PSMB10: variants seen among roughly 807,000 people sequenced by gnomAD.
PSMB10 encodes proteasome subunit beta type-10.
In PSMB10, 29 loss-of-function variants were observed where a neutral mutation model predicts 29.8. The observed-to-expected ratio is 0.97, with a 90% CI of 0.73 to 1.33. The LOEUF (loss-of-function observed/expected upper bound fraction) is 1.33. PSMB10 is among the 40% of genes most tolerant of loss of function. PSMB10 has a pLI of 0.00. For missense variants in PSMB10, 327 were observed against 369.2 expected (o/e 0.89, Z 0.94); for synonymous variants, 157 against 164.7 (o/e 0.95, Z 0.36).
Position 67,935,719 on chromosome 16 carries a change from C to T in PSMB10, c.384-22G>A, listed in dbSNP as rs758761627. 3.7e-6 allele frequency: 6 copies of T among 1,610,288 alleles called. No individual in the cohort carries two copies. The Admixed American group carries it at 6.7e-5, about 18-fold the overall frequency. On this transcript the variant is annotated intron_variant, in intron 4 of 7. Coordinates refer to ENST00000358514, the MANE Select transcript of PSMB10 (RefSeq NM_002801.4). The stretch of plus-strand genomic sequence containing the variant: ...GTACCTGCTCGAGGATGGGCGGGGT[C>T]GGCCACAAGCTGGGGCCTAGGCCCC...
chr16:67,935,247 T>C, intron 6 of PSMB10, 173 bp downstream of exon 6: 1 of 800,488 alleles, frequency 1.2e-6, no homozygotes, highest in Non-Finnish European at 2.0e-6. Flanking sequence ...GCTTTGGTAT[T>C]GGACGGTGTT....
At position 67,934,998 on chromosome 16, in the gene PSMB10, T is replaced by G; in HGVS notation, c.559-50A>C. On this transcript the variant is annotated intron_variant, in intron 6 of 7. Coordinates refer to ENST00000358514, the MANE Select transcript of PSMB10 (RefSeq NM_002801.4). This position sits in a 1 kb window ranked among gnomAD's most constrained non-coding sequence, Gnocchi z 4.3. ...TAACGGGCTCTCTCTGCTGTTAACT[T>G]AGGCTACAGCCTGGGGACTTGCCTG... 1 of 1,588,736 alleles carries G rather than the reference T, an allele frequency of 6.3e-7. No homozygotes were observed. The highest frequency in any genetic ancestry group is 8.5e-7 in the Non-Finnish European group (1 of 1,172,352).
intron 1 of PSMB10, 57 bp downstream of exon 1, chr16:67,936,637 G>A: frequency 2.7e-6 from 4 of 1,460,054 alleles, no homozygotes; most frequent in East Asian, 2.5e-5. Context: ...CAGGAAAAAA[G>A]GCCACGAGCA....
Position 67,935,023 on chromosome 16 carries a change from G to T in PSMB10, c.559-75C>A, listed in dbSNP as rs550606290. The T allele has an allele frequency of 7.0e-5, 108 of 1,547,896 alleles. No individual in the cohort carries two copies. The South Asian group carries it at 1.2e-3, about 18-fold the overall frequency. On this transcript the variant is annotated intron_variant, in intron 6 of 7. Transcript: ENST00000358514. Reference sequence around the variant, plus strand: ...TAGGCTACAGCCTGGGGACTTGCCTGTCCACTTACCCAATCTGGTCTTGCC... The same window carrying T: ...TAGGCTACAGCCTGGGGACTTGCCTTTCCACTTACCCAATCTGGTCTTGCC...
rs1423240519 is a variant in PSMB10, at chr16:67,936,848, T to G, written c.-99A>C. The G allele has an allele frequency of 2.0e-6, 2 of 998,798 alleles. No individual in the cohort carries two copies. Among genetic ancestry groups the G allele is most frequent in the Non-Finnish European group, 3.0e-6 (2 of 673,612 alleles). The allele number at this position is 998,798 out of a possible 1,614,324, so 61.9% of individuals were successfully genotyped here. Reference sequence around the variant, plus strand: ...AAAAAGTCCTCTGCTAGGCTTCACGTCTGTACTTCCTGCTTTCGCTTTCGC... The same window carrying G: ...AAAAAGTCCTCTGCTAGGCTTCACGGCTGTACTTCCTGCTTTCGCTTTCGC... On this transcript the variant is annotated 5_prime_UTR_variant, in exon 1 of 8. Transcript: ENST00000358514.
chr16:67,934,947 A>G lies in PSMB10; in HGVS notation c.560T>C (p.Leu187Pro). The change falls in exon 7 of 8, where the codon CTG becomes CCG. Residue 187 changes from leucine to proline, a missense_variant and splice_region_variant. Physicochemically the swap from Leu to Pro is moderately conservative, Grantham distance 98. Coordinates refer to ENST00000358514, the MANE Select transcript of PSMB10 (RefSeq NM_002801.4). The surrounding 1 kb of genome is among the most constrained non-coding windows in gnomAD (Gnocchi z 4.3). ...CACCAGCAGCCCCTGAGCAGCCTCC[A>G]GCTGCGGTGATGGGTGTGTGAGACC... ...LEDRFQPNMT[L>P]EAAQGLLVEA... The G allele has an allele frequency of 6.2e-7, 1 of 1,610,534 alleles. No homozygotes were observed. The highest frequency in any genetic ancestry group is 1.3e-5 in the African/African-American group (1 of 75,016).
In PSMB10 at chr16:67,936,112, A is replaced by G; in HGVS notation, c.243-9T>C. ...CTCCAGCCCCACAGCAGCTGAGGCA[A>G]AAGGGAGGATCGGTGTGGGCAGGGC... On this transcript the variant is annotated splice_polypyrimidine_tract_variant and intron_variant, in intron 3 of 7. Transcript: ENST00000358514. The G allele has an allele frequency of 6.2e-7, 1 of 1,608,592 alleles. No homozygotes were observed.
chr16:67,935,277 C>A, intron 6 of PSMB10, 143 bp downstream of exon 6: 1 of 1,005,924 alleles, frequency 9.9e-7, no homozygotes, highest in Admixed American at 2.2e-5. Context: ...CCGCACTTCT[C>A]TGCCCTTACT....
chr16:67,936,766 G>A lies in PSMB10; in HGVS notation c.-17C>T. On this transcript the variant is annotated 5_prime_UTR_variant, in exon 1 of 8. Coordinates refer to ENST00000358514, the MANE Select transcript of PSMB10 (RefSeq NM_002801.4). Reference sequence around the variant, plus strand: ...CTTCAGCATCTTGGGGCAGGCAGAGGGGATTAGGGGTCGCGGGCGGATGAG... The same window carrying A: ...CTTCAGCATCTTGGGGCAGGCAGAGAGGATTAGGGGTCGCGGGCGGATGAG... 2 of 1,551,874 alleles carry A rather than the reference G, an allele frequency of 1.3e-6. No individual in the cohort carries two copies. The highest frequency in any genetic ancestry group is 1.7e-6 in the Non-Finnish European group (2 of 1,147,508).
chr16:67,934,841 G>A lies in PSMB10; in HGVS notation c.666C>T (p.Ala222=). 2 of 1,614,080 alleles carry A rather than the reference G, an allele frequency of 1.2e-6. No individual in the cohort carries two copies. Among genetic ancestry groups the A allele is most frequent in the Non-Finnish European group, 1.7e-6 (2 of 1,180,024 alleles). The part of the protein sequence containing the change: ...VDACVITKTG[A]KLLRTLSSPT... ...GTGAGCTCAGTGTCCGCAGCAGCTT[G>A]GCGCCAGTCTTTGTGATCACACATG... Residue 222 remains alanine (A), a synonymous_variant, in exon 7 of 8, where the codon GCC becomes GCT. Transcript: ENST00000358514. The surrounding 1 kb of genome is among the most constrained non-coding windows in gnomAD (Gnocchi z 4.3).
In PSMB10 at chr16:67,935,693, G is replaced by C; in HGVS notation, c.388C>G (p.Gln130Glu). 6.2e-7 allele frequency: 1 copy of C among 1,613,642 alleles called. No individual in the cohort carries two copies. Among genetic ancestry groups the C allele is most frequent in the South Asian group, 1.1e-5 (1 of 91,064 alleles). Reference sequence around the variant, plus strand: ...ATCAGCGATGCACCCACGTGGCCCTGGTACCTGCTCGAGGATGGGCGGGGT... The same window carrying C: ...ATCAGCGATGCACCCACGTGGCCCTCGTACCTGCTCGAGGATGGGCGGGGT... ...RILRQTLFRY[Q>E]GHVGASLIVG... The change falls in exon 5 of 8, where the codon CAG becomes GAG. Residue 130 changes from glutamine to glutamate, a missense_variant. Coordinates refer to ENST00000358514, the MANE Select transcript of PSMB10 (RefSeq NM_002801.4).
intron 4 of PSMB10, 106 bp from the exon 5 acceptor site, chr16:67,935,803 G>A: frequency 6.8e-7 from 1 of 1,481,464 alleles, no homozygotes; most frequent in Non-Finnish European, 9.2e-7. Context: ...GCTGGCGCCC[G>A]ATGACTGACA....
At chr16:67,935,272 C>T in intron 6 of PSMB10, 148 bp downstream of exon 6, 1 of 963,672 alleles carries the variant, frequency 1.0e-6, no homozygotes, top group Non-Finnish European at 1.5e-6. Context: ...CGGGACCGCA[C>T]TTCTCTGCCC....
Position 67,934,720 on chromosome 16 carries a change from C to T in PSMB10, c.711-49G>A. 1 of 1,611,248 alleles carries T rather than the reference C, an allele frequency of 6.2e-7. No individual in the cohort carries two copies. Among genetic ancestry groups the T allele is most frequent in the Non-Finnish European group, 8.5e-7 (1 of 1,177,528 alleles). On this transcript the variant is annotated intron_variant, in intron 7 of 7. Transcript: ENST00000358514. This position sits in a 1 kb window ranked among gnomAD's most constrained non-coding sequence, Gnocchi z 4.3. ...CTGAACATGGGCCTGTCATGTGGCC[C>T]ATCCCCTTTTTGCAGCCCCCTATCT...
chr16:67,936,033 G>A lies in PSMB10; in HGVS notation c.313C>T (p.His105Tyr), dbSNP rs2058262393. 1 of 1,612,904 alleles carries A rather than the reference G, an allele frequency of 6.2e-7. No homozygotes were observed. Among genetic ancestry groups the A allele is most frequent in the Non-Finnish European group, 8.5e-7 (1 of 1,179,588 alleles). The change falls in exon 4 of 8, where the codon CAC (histidine) becomes TAC (tyrosine). Residue 105 changes from histidine (H) to tyrosine (Y), a missense_variant. Coordinates refer to ENST00000358514, the MANE Select transcript of PSMB10 (RefSeq NM_002801.4). ...GGCTCGCGGCCCGTAGATAACGCGT[G>A]TAGCTCCATCTTGGACGCCACCATC... ...TRMVASKMEL[H>Y]ALSTGREPRV... is the part of the protein sequence containing the mutation.
rs1454613308 is a variant in PSMB10 at position 67,936,463 on chromosome 16, G to A, written c.79C>T (p.Leu27Phe). ...GCGTGAGGGACCTTGAGCCCCGGGA[G>A]GACGCGTTCCAATGATGCATTTCTG... is the stretch of plus-strand genomic sequence containing the variant. ...CQRNASLERV[L>F]PGLKVPHARK... The change falls in exon 2 of 8, where the codon CTC becomes TTC. Residue 27 changes from leucine to phenylalanine, a missense_variant. By Grantham distance (22) the Leu-to-Phe change is conservative. Transcript: ENST00000358514. 4.3e-6 allele frequency: 7 copies of A among 1,613,356 alleles called. No individual in the cohort carries two copies. Among genetic ancestry groups the A allele is most frequent in the Non-Finnish European group, 5.9e-6 (7 of 1,179,884 alleles).
rs745797567 is a variant in PSMB10, at chr16:67,935,603, G to A, written c.478C>T (p.Arg160Cys). Residue 160 changes from arginine to cysteine, a missense_variant, in exon 5 of 8, where the codon CGT becomes TGT. Transcript: ENST00000358514. ...YGVHPHGSYS[R>C]LPFTALGSGQ... ...TCACCCAGGGCTGTGAAGGGCAGAC[G>A]GCTGTAGGAGCCATGGGGATGCACA... is the stretch of plus-strand genomic sequence containing the variant. 1.9e-6 allele frequency: 3 copies of A among 1,614,238 alleles called. No homozygotes were observed. The highest frequency in any genetic ancestry group is 1.1e-5 in the South Asian group (1 of 91,090).
Position 67,935,430 on chromosome 16 carries a change from G to C in PSMB10, c.548C>G (p.Pro183Arg), listed in dbSNP as rs200864375. ...ALAVLEDRFQ[P>R]NMTLEAAQGL... ...ACAGAGGCCGCTCACCGTCATGTTC[G>C]GCTGGAACCGGTCTTCTAGCACCGC... Residue 183 changes from proline (P) to arginine (R), a missense_variant, in exon 6 of 8, where the codon CCG becomes CGG. By Grantham distance (103) the Pro-to-Arg change is moderately radical. Coordinates refer to ENST00000358514, the MANE Select transcript of PSMB10 (RefSeq NM_002801.4). 1.4e-4 allele frequency: 224 copies of C among 1,614,008 alleles called. No individual in the cohort carries two copies. In the East Asian group the frequency reaches 3.3e-3, roughly 24 times the overall value.
chr16:67,936,793 C>T lies in PSMB10; in HGVS notation c.-44G>A, dbSNP rs1362658761. On this transcript the variant is annotated 5_prime_UTR_variant, in exon 1 of 8. Coordinates refer to ENST00000358514, the MANE Select transcript of PSMB10 (RefSeq NM_002801.4). ...GATTAGGGGTCGCGGGCGGATGAGT[C>T]GGCCAGACAAGCGGGGCCAGTGAGC... 6.6e-7 allele frequency: 1 copy of T among 1,516,446 alleles called. No individual in the cohort carries two copies. The highest frequency in any genetic ancestry group is 2.0e-5 in the Admixed American group (1 of 49,094). 93.9% of individuals were successfully genotyped at this position (1,516,446 alleles called of 1,614,324 possible).
Sources: gnomAD v4.1 joint callset for allele counts on GRCh38, gnomAD v4.1.1 for gene constraint, Gnocchi (gnomAD v3.1) non-coding constraint, MANE v1.5 for transcripts, NCBI Gene and HGNC (gene_info 2026-07-23, HGNC 2026-07-21) for gene names.